Variants in INSR observed in about 807,000 individuals in gnomAD.
The protein encoded by INSR is insulin receptor, also known as IR.
INSR carries 67 observed loss-of-function variants against 142.6 expected under a neutral mutation model. The ratio of observed to expected loss-of-function variants is 0.47; its 90% CI spans 0.39 to 0.58. The LOEUF (loss-of-function observed/expected upper bound fraction) is 0.58. Ranked by LOEUF, INSR falls within the 20% of genes least tolerant of loss-of-function variation. The pLI is 0.00. For synonymous variants in INSR, 756 were observed against 743.1 expected (o/e 1.02, Z -0.28); for missense variants, 1,248 against 1,833.2 (o/e 0.68, Z 5.83).
chr19:7,197,286 G>A (rs1974776346), intron 2 of INSR, among the ~76,000 whole-genome samples: 1 of 152,228 alleles, frequency 6.6e-6, no homozygotes, highest in Non-Finnish European at 1.5e-5. Context: ...GGGCCTTCCC[G>A]CTTCGGGAGC....
intron 13 of INSR, 27 bp from the exon 14 acceptor site, chr19:7,132,344 G>A (rs1599882114): frequency 1.9e-6 from 3 of 1,610,616 alleles, no homozygotes; most frequent in Non-Finnish European, 2.5e-6. Context: ...AGGAGAAGGA[G>A]GGTGGCTGAG....
At chr19:7,227,710 A>G (rs1281840092) in intron 2 of INSR, among the ~76,000 whole-genome samples, 1 of 152,166 alleles carries the variant, frequency 6.6e-6, no homozygotes, top group African/African-American at 2.4e-5. Context: ...ATGCCCTTGC[A>G]AGTTACAAAA....
intron 2 of INSR, among the ~76,000 whole-genome samples, chr19:7,201,810 G>C (rs62111431): frequency 1.6e-4 from 24 of 148,502 alleles, no homozygotes; most frequent in East Asian, 1.2e-3. Context: ...CTACAGGCGC[G>C]GCCACCACGC....
chr19:7,180,402 C>G (rs192547538), intron 3 of INSR, among the ~76,000 whole-genome samples: 1 of 151,598 alleles, frequency 6.6e-6, no homozygotes, highest in Non-Finnish European at 1.5e-5. Flanking sequence ...GTGGTGTGTG[C>G]CTATATAGTC....
intron 16 of INSR, among the ~76,000 whole-genome samples, chr19:7,126,207 A>G (rs10401628): frequency 0.91 from 138,204 of 152,162 alleles, 62,801 homozygotes; most frequent in East Asian, 1. Context: ...CACCCAGCCT[A>G]CTGACCACCA....
chr19:7,174,845 G>A, intron 3 of INSR, 114 bp from the exon 4 acceptor site: 1 of 1,082,126 alleles, frequency 9.2e-7, no homozygotes, highest in Non-Finnish European at 1.3e-6. Context: ...TTCTTTGTGT[G>A]TGTGTGTGTG....
intron 2 of INSR, among the ~76,000 whole-genome samples, chr19:7,223,124 A>C (rs139480937): frequency 0.012 from 1,760 of 152,312 alleles, 13 homozygotes; most frequent in Middle Eastern, 0.041. Flanking sequence ...CAGAGGTTGC[A>C]GTGAGCTGAG....
chr19:7,216,597 A>AAC lies in INSR; in HGVS notation c.653-31961_653-31960insGT, dbSNP rs1213675063. ...GGGAAGGAACAAATTGCCACGGTGT[A>AAC]ATGGAGCCACTGCAGGTGTCCCCAG... On this transcript the variant is annotated intron_variant, in intron 2 of 21. Coordinates refer to ENST00000302850, the MANE Select transcript of INSR (RefSeq NM_000208.4). The surrounding 1 kb of genome is among the most constrained non-coding windows in gnomAD (Gnocchi z 4.2). 6.6e-6 allele frequency among the ~76,000 whole-genome samples: 1 copy of AAC among 152,076 alleles called. No homozygotes were observed. The highest frequency in any genetic ancestry group is 2.4e-5 in the African/African-American group (1 of 41,394).
chr19:7,193,621 A>G (rs1974659715), intron 2 of INSR, among the ~76,000 whole-genome samples: 1 of 152,110 alleles, frequency 6.6e-6, no homozygotes. Flanking sequence ...ATTTTTTACT[A>G]TGTATGTGTA....
chr19:7,285,526 C>T (rs1968325155), intron 1 of INSR, among the ~76,000 whole-genome samples: 1 of 152,062 alleles, frequency 6.6e-6, no homozygotes, highest in South Asian at 2.1e-4. Context: ...GTCCCAGCTA[C>T]TCAGGAGGCT....
intron 1 of INSR, among the ~76,000 whole-genome samples, chr19:7,293,391 G>A (rs1968548920): frequency 6.6e-6 from 1 of 152,198 alleles, no homozygotes; most frequent in South Asian, 2.1e-4. Context: ...GCGCTCGGGG[G>A]ACTTGGCTGT....
At chr19:7,185,841 CAAAA>C (rs754262409) in intron 2 of INSR, among the ~76,000 whole-genome samples, 7 of 45,052 alleles carry the variant, frequency 1.6e-4, no homozygotes, top group South Asian at 1.4e-3. Flanking sequence ...AAAATTCTGT[CAAAA>C]AAAAAAAAAA....
At chr19:7,261,646 T>G (rs1977068808) in intron 2 of INSR, among the ~76,000 whole-genome samples, 1 of 152,146 alleles carries the variant, frequency 6.6e-6, no homozygotes, top group South Asian at 2.1e-4. Flanking sequence ...TTCTCCTGCC[T>G]CAGCCTCCTA....
intron 13 of INSR, 104 bp downstream of exon 13, chr19:7,141,573 A>T: frequency 6.6e-7 from 1 of 1,516,184 alleles, no homozygotes; most frequent in Non-Finnish European, 9.0e-7. Context: ...CTGATGAGAG[A>T]AGCACTGGAA....
chr19:7,293,706 C>A, intron 1 of INSR, 86 bp downstream of exon 1: 1 of 1,143,510 alleles, frequency 8.7e-7, no homozygotes, highest in Non-Finnish European at 1.1e-6. Flanking sequence ...GGTTCTCAGT[C>A]CACAAGCGGG....
At position 7,117,305 on chromosome 19, in the gene INSR, C is replaced by T; in HGVS notation, c.3900G>A (p.Glu1300=). The T allele has an allele frequency of 3.1e-6, 5 of 1,614,190 alleles. No homozygotes were observed. The highest frequency in any genetic ancestry group is 3.4e-6 in the Non-Finnish European group (4 of 1,180,042). Reference sequence around the variant, plus strand: ...TCTCCTCGCTGTGGAAGAACGACACCTCTGGAAAGCTGGGGTGCAGGTCGT... The same window carrying T: ...TCTCCTCGCTGTGGAAGAACGACACTTCTGGAAAGCTGGGGTGCAGGTCGT... The part of the protein sequence containing the change: ...LKDDLHPSFP[E]VSFFHSEENK... The change falls in exon 22 of 22, where the codon GAG becomes GAA. Residue 1300 remains glutamate, a synonymous_variant. Transcript: ENST00000302850.
intron 13 of INSR, 152 bp downstream of exon 13, chr19:7,141,525 G>T (rs1181611647): frequency 5.6e-6 from 6 of 1,069,930 alleles, no homozygotes; most frequent in Non-Finnish European, 8.3e-6. Context: ...TTCCTGCGAA[G>T]TCAGGTATCA....
At chr19:7,143,339 C>A (rs572178805) in intron 11 of INSR, among the ~76,000 whole-genome samples, 1 of 152,110 alleles carries the variant, frequency 6.6e-6, no homozygotes, top group African/African-American at 2.4e-5. Flanking sequence ...CTAAGACCGT[C>A]AATGGTAGAC....
At chr19:7,239,301 C>T (rs372308849) in intron 2 of INSR, among the ~76,000 whole-genome samples, 4 of 151,602 alleles carry the variant, frequency 2.6e-5, no homozygotes, top group Non-Finnish European at 5.9e-5. Context: ...CCAGCCCCCC[C>T]ACCCCAAAAC....
Sources: gnomAD v4.1 joint callset for allele counts (sites outside exome capture counted in the v4.1 genomes callset) on GRCh38, gnomAD v4.1.1 for gene constraint, Gnocchi (gnomAD v3.1) non-coding constraint, MANE v1.5 for transcripts, NCBI Gene and HGNC (gene_info 2026-07-23, HGNC 2026-07-21) for gene names.